AJAP1: variants seen among roughly 807,000 people sequenced by gnomAD.
AJAP1 encodes the protein adherens junction-associated protein 1.
Under a neutral mutation model 35.0 loss-of-function variants are expected in AJAP1, and 5 were observed. The observed-to-expected ratio is 0.14, with a 90% CI of 0.07 to 0.30. The LOEUF (loss-of-function observed/expected upper bound fraction) is 0.30, where lower values mean the gene tolerates loss of function less well. Among genes scored for constraint, AJAP1 ranks in the 10% least tolerant of loss-of-function variants. The pLI, the probability that AJAP1 is intolerant of heterozygous loss-of-function variation, is 1.00. For missense variants in AJAP1, 586 were observed against 571.0 expected, an observed-to-expected ratio of 1.03 and a Z score of -0.27; for synonymous variants, 284 against 249.3, an observed-to-expected ratio of 1.14 and a Z score of -1.31.
At chr1:4,751,782 C>T (rs552605360) in intron 2 of AJAP1, among the ~76,000 whole-genome samples, 18 of 152,330 alleles carry the variant, frequency 1.2e-4, no homozygotes, top group Admixed American at 6.5e-4. Flanking sequence ...AAAGCACTCA[C>T]GCTCTCTGCA....
At chr1:4,706,593 C>T (rs1463173299) in intron 1 of AJAP1, among the ~76,000 whole-genome samples, 1 of 152,160 alleles carries the variant, frequency 6.6e-6, no homozygotes, top group African/African-American at 2.4e-5. Flanking sequence ...GGGCTGTTCC[C>T]CGGTGGAACA....
At chr1:4,735,555 A>G (rs957718769) in intron 2 of AJAP1, among the ~76,000 whole-genome samples, 1 of 152,214 alleles carries the variant, frequency 6.6e-6, no homozygotes, top group African/African-American at 2.4e-5. Flanking sequence ...GTTTAAAAAG[A>G]TAAGACAGCC....
At chr1:4,763,045 C>T (rs1401102387) in intron 2 of AJAP1, among the ~76,000 whole-genome samples, 1 of 152,134 alleles carries the variant, frequency 6.6e-6, no homozygotes, top group Non-Finnish European at 1.5e-5. Context: ...GCTCACACCT[C>T]ACCCTCTGAG....
At chr1:4,695,586 G>A (rs1303252422) in intron 1 of AJAP1, among the ~76,000 whole-genome samples, 1 of 152,192 alleles carries the variant, frequency 6.6e-6, no homozygotes, top group Non-Finnish European at 1.5e-5. Context: ...TTAAAGAAGA[G>A]AAATGTGTTT....
intron 1 of AJAP1, among the ~76,000 whole-genome samples, chr1:4,706,097 T>G (rs1640094788): frequency 6.6e-6 from 1 of 152,120 alleles, no homozygotes; most frequent in Non-Finnish European, 1.5e-5. Flanking sequence ...TCAGGAAGCA[T>G]CTGGACACGG....
At chr1:4,719,548 T>TC (rs1366879035) in intron 2 of AJAP1, among the ~76,000 whole-genome samples, 4 of 152,088 alleles carry the variant, frequency 2.6e-5, no homozygotes, top group Non-Finnish European at 5.9e-5. Flanking sequence ...AGAGCCCATC[T>TC]CGGGGGCGTG....
chr1:4,761,066 C>A (rs1641553274), intron 2 of AJAP1, among the ~76,000 whole-genome samples: 1 of 152,214 alleles, frequency 6.6e-6, no homozygotes, highest in Middle Eastern at 3.2e-3. Flanking sequence ...CCCCTTGACC[C>A]TAACTGAACC....
At chr1:4,659,851 G>C (rs767048009) in intron 1 of AJAP1, among the ~76,000 whole-genome samples, 1 of 152,240 alleles carries the variant, frequency 6.6e-6, no homozygotes, top group East Asian at 1.9e-4. Flanking sequence ...TGCCATGTCA[G>C]TTTACCATTG....
rs1017157463 is a variant in AJAP1, at chr1:4,778,143, G to A, written c.*59+3585G>A. Among the ~76,000 whole-genome samples, 11 of 152,312 alleles carry A rather than the reference G, an allele frequency of 7.2e-5. 2 individuals carry two copies. The highest frequency in any genetic ancestry group is 1.9e-4 in the East Asian group (1 of 5,182). On this transcript the variant is annotated intron_variant, in intron 5 of 5. Transcript: ENST00000378191. The stretch of plus-strand genomic sequence containing the variant: ...GCAGCCCAGTGGGGCCAGGCCAGCC[G>A]AGAATCTCCTTCCAGGCAGCAGAGG...
At chr1:4,754,387 T>C (rs891776000) in intron 2 of AJAP1, among the ~76,000 whole-genome samples, 1 of 152,190 alleles carries the variant, frequency 6.6e-6, no homozygotes, top group Non-Finnish European at 1.5e-5. Context: ...CAATTCTTGC[T>C]CTCAAGGCAG....
At chr1:4,716,416 CAG>C (rs1557623585) in intron 2 of AJAP1, among the ~76,000 whole-genome samples, 1 of 152,184 alleles carries the variant, frequency 6.6e-6, no homozygotes, top group Admixed American at 6.5e-5. Context: ...TTCAGTGAGA[CAG>C]AGTGTGCCAA....
At position 4,701,820 on chromosome 1, in the gene AJAP1, C is replaced by T. The variant is rs531301338; in HGVS notation, c.30-10080C>T. On this transcript the variant is annotated intron_variant, in intron 1 of 5. Transcript: ENST00000378191. ...CGTGGTTCACGGAGGCCTGATGTGC[C>T]GCTGGGCTGTGATGCTGCGTAGATG... Among the ~76,000 whole-genome samples, 5 of 152,264 alleles carry T rather than the reference C, an allele frequency of 3.3e-5. No individual in the cohort carries two copies. The East Asian group carries it at 9.7e-4, about 29-fold the overall frequency.
At chr1:4,680,632 T>C (rs2100209218) in intron 1 of AJAP1, among the ~76,000 whole-genome samples, 1 of 152,358 alleles carries the variant, frequency 6.6e-6, no homozygotes, top group South Asian at 2.1e-4. Context: ...TGTCCACTTA[T>C]CTCTCATGTA....
At chr1:4,715,793 G>A (rs1045590513) in intron 2 of AJAP1, among the ~76,000 whole-genome samples, 19 of 152,350 alleles carry the variant, frequency 1.2e-4, no homozygotes, top group East Asian at 5.8e-4. Flanking sequence ...ATACTTATTC[G>A]TTGTTTTTAT....
At chr1:4,690,395 C>T (rs1639712328) in intron 1 of AJAP1, among the ~76,000 whole-genome samples, 1 of 152,170 alleles carries the variant, frequency 6.6e-6, no homozygotes, top group African/African-American at 2.4e-5. Context: ...GATGGGAGCC[C>T]GTGGAATGGC....
intron 1 of AJAP1, among the ~76,000 whole-genome samples, chr1:4,676,423 T>C: frequency 6.6e-6 from 1 of 152,134 alleles, no homozygotes; most frequent in East Asian, 1.9e-4. Context: ...AAGCTTCCGG[T>C]CCAGCTGGCT....
intron 2 of AJAP1, among the ~76,000 whole-genome samples, chr1:4,721,161 T>C (rs146164840): frequency 1.1e-4 from 17 of 151,944 alleles, no homozygotes; most frequent in African/African-American, 2.2e-4. Context: ...GGGAAGGGGG[T>C]AGGAGGGGGA....
At position 4,789,101 on chromosome 1, in the gene AJAP1, A is replaced by G. The variant is rs1642213897; in HGVS notation, c.*6616A>G. 6.6e-6 allele frequency: 1 copy of G among 152,254 alleles called. No homozygotes were observed. The highest frequency in any genetic ancestry group is 2.4e-5 in the African/African-American group (1 of 41,454). 9.4% of individuals were successfully genotyped at this position (152,254 alleles called of 1,614,324 possible). On this transcript the variant is annotated 3_prime_UTR_variant, in exon 6 of 6. Transcript: ENST00000378191. This position sits in a 1 kb window ranked among gnomAD's most constrained non-coding sequence, Gnocchi z 4.4. ...TAAATCTGAGTCATATATAAGAGGC[A>G]TAATATAAATTGGGCCAAGCTTGCC...
At chr1:4,739,705 G>T (rs1407322467) in intron 2 of AJAP1, among the ~76,000 whole-genome samples, 1 of 152,130 alleles carries the variant, frequency 6.6e-6, no homozygotes, top group Non-Finnish European at 1.5e-5. Flanking sequence ...GAGGCAGCAG[G>T]TTCTGTTTTT....
Sources: gnomAD v4.1 joint callset for allele counts (sites outside exome capture counted in the v4.1 genomes callset) on GRCh38, gnomAD v4.1.1 for gene constraint, Gnocchi (gnomAD v3.1) non-coding constraint, MANE v1.5 for transcripts, NCBI Gene and HGNC (gene_info 2026-07-23, HGNC 2026-07-21) for gene names.